The following MDFIC variants were observed in gnomAD, a reference collection of about 807,000 sequenced individuals.
The protein encoded by MDFIC is myoD family inhibitor domain-containing protein.
MDFIC carries 17 observed loss-of-function variants against 23.2 expected under a neutral mutation model. The observed-to-expected ratio is 0.73, with a 90% CI of 0.50 to 1.10. MDFIC has a LOEUF of 1.10. Among genes scored for constraint, MDFIC ranks in the 50% least tolerant of loss-of-function variants. MDFIC has a pLI of 0.00. For missense variants in MDFIC, 356 were observed against 316.6 expected (o/e 1.12, Z -0.95); for synonymous variants, 120 against 115.2 (o/e 1.04, Z -0.27).
chr7:114,962,776 G>T (rs960299431), intron 3 of MDFIC, among the ~76,000 whole-genome samples: 1 of 152,212 alleles, frequency 6.6e-6, no homozygotes, highest in African/African-American at 2.4e-5. Flanking sequence ...ATACAAATCA[G>T]AGTGATAGTG....
intron 4 of MDFIC, among the ~76,000 whole-genome samples, chr7:114,993,145 G>C (rs1397050502): frequency 6.6e-6 from 1 of 152,164 alleles, no homozygotes; most frequent in African/African-American, 2.4e-5. Context: ...GTGTAGAGGT[G>C]TTTATAGTAT....
chr7:114,959,824 C>CTAATAATAA (rs56917725), intron 3 of MDFIC, among the ~76,000 whole-genome samples: 15,536 of 145,396 alleles, frequency 0.11, 893 homozygotes, highest in East Asian at 0.18. Flanking sequence ...TCTAAATAGA[C>CTAATAATAA]TAATAATAAT....
At chr7:114,989,840 T>C (rs1303335776) in intron 4 of MDFIC, among the ~76,000 whole-genome samples, 1 of 152,158 alleles carries the variant, frequency 6.6e-6, no homozygotes, top group Non-Finnish European at 1.5e-5. Flanking sequence ...TTTATTGAGT[T>C]TGAATGGAGG....
chr7:114,984,397 C>T (rs898893659), intron 4 of MDFIC, among the ~76,000 whole-genome samples: 3 of 151,938 alleles, frequency 2.0e-5, no homozygotes, highest in African/African-American at 7.3e-5. Context: ...TGATACAATG[C>T]TCTATTCCAA....
intron 4 of MDFIC, among the ~76,000 whole-genome samples, chr7:115,010,083 G>T (rs1038999314): frequency 1.3e-5 from 2 of 150,354 alleles, no homozygotes; most frequent in Admixed American, 1.3e-4. Flanking sequence ...AGGGGAAAAA[G>T]ATGATTCCTG....
At chr7:114,964,614 G>A (rs1165225826) in intron 3 of MDFIC, among the ~76,000 whole-genome samples, 1 of 151,364 alleles carries the variant, frequency 6.6e-6, no homozygotes, top group Non-Finnish European at 1.5e-5. Context: ...GCCATGGCAC[G>A]ATCTTGGCTC....
chr7:114,965,948 G>A (rs1297266904), intron 3 of MDFIC, among the ~76,000 whole-genome samples: 1 of 152,164 alleles, frequency 6.6e-6, no homozygotes, highest in East Asian at 1.9e-4. Flanking sequence ...ATAACACACC[G>A]CCATGTAGTG....
chr7:114,974,172 A>G (rs571426662), intron 3 of MDFIC, among the ~76,000 whole-genome samples: 1 of 152,232 alleles, frequency 6.6e-6, no homozygotes, highest in African/African-American at 2.4e-5. Context: ...ATTTTAGCCT[A>G]AATTCACATT....
intron 2 of MDFIC, among the ~76,000 whole-genome samples, chr7:114,937,365 G>GAGCAATTAATTC (rs1792446262): frequency 6.6e-6 from 1 of 152,108 alleles, no homozygotes; most frequent in East Asian, 1.9e-4. Context: ...ATTCATGTTT[G>GAGCAATTAATTC]TCACTTTCTT....
rs753051299 is a variant in MDFIC, at chr7:114,979,769, T to C, written c.481T>C (p.Ser161Pro). ...TGCTGTCTTTTCCCAAAAGACAGGC[T>C]CTTCACCTGAAGGTAAGTTTGAGAT... ...VNAVFSQKTGSSPEDCCVHCI... is the reference protein window; with the variant it reads ...VNAVFSQKTGPSPEDCCVHCI... The change falls in exon 4 of 5, where the codon TCT becomes CCT. Residue 161 changes from serine (S) to proline (P), a missense_variant. By Grantham distance (74) the Ser-to-Pro change is moderately conservative. Transcript: ENST00000393486. 1 of 1,613,374 alleles carries C rather than the reference T, an allele frequency of 6.2e-7. No homozygotes were observed. Among genetic ancestry groups the C allele is most frequent in the African/African-American group, 1.3e-5 (1 of 74,866 alleles).
intron 2 of MDFIC, among the ~76,000 whole-genome samples, chr7:114,928,885 A>G (rs1792249530): frequency 6.6e-6 from 1 of 152,164 alleles, no homozygotes; most frequent in Non-Finnish European, 1.5e-5. Context: ...GAGGAAATTG[A>G]TTTAAAAACA....
chr7:114,980,806 T>C (rs1793404971), intron 4 of MDFIC, among the ~76,000 whole-genome samples: 1 of 152,212 alleles, frequency 6.6e-6, no homozygotes, highest in Non-Finnish European at 1.5e-5. Flanking sequence ...TGCTTATTCA[T>C]AGAGACAAAT....
intron 3 of MDFIC, among the ~76,000 whole-genome samples, chr7:114,958,611 C>T (rs984149281): frequency 3.3e-5 from 5 of 151,978 alleles, no homozygotes; most frequent in African/African-American, 7.2e-5. Flanking sequence ...ATTAGCCGGG[C>T]GTGGTGGTGC....
Position 114,940,633 on chromosome 7 carries a change from C to A in MDFIC, c.95-1642C>A, listed in dbSNP as rs1355743401. On this transcript the variant is annotated intron_variant, in intron 2 of 4. Coordinates refer to ENST00000393486, the MANE Select transcript of MDFIC (RefSeq NM_001166345.3). ...GAAAGATGACTATTTCTAGCTATAA[C>A]CTTTTTTCTGACTTGCAAATTCAAA... Among the ~76,000 whole-genome samples, 3 of 152,148 alleles carry A rather than the reference C, an allele frequency of 2.0e-5. No homozygotes were observed. The East Asian group carries it at 5.8e-4, about 29-fold the overall frequency.
intron 4 of MDFIC, among the ~76,000 whole-genome samples, chr7:114,983,837 G>A (rs1009315406): frequency 3.3e-5 from 5 of 151,862 alleles, no homozygotes; most frequent in Non-Finnish European, 5.9e-5. Context: ...TCCCCATCAG[G>A]TACTTTTTAA....
chr7:114,931,735 C>A (rs750764823), intron 2 of MDFIC, among the ~76,000 whole-genome samples: 1 of 152,050 alleles, frequency 6.6e-6, no homozygotes, highest in Admixed American at 6.6e-5. Flanking sequence ...TTCAGGATGG[C>A]GAGAAGGAAT....
intron 4 of MDFIC, among the ~76,000 whole-genome samples, chr7:115,010,718 A>G (rs1791666374): frequency 6.6e-6 from 1 of 152,222 alleles, no homozygotes; most frequent in Non-Finnish European, 1.5e-5. Context: ...TAATATTTAC[A>G]TAAATAGCTA....
intron 4 of MDFIC, among the ~76,000 whole-genome samples, chr7:114,983,341 AT>A (rs1793450617): frequency 2.0e-5 from 3 of 152,172 alleles, no homozygotes; most frequent in South Asian, 2.1e-4. Context: ...AGATAATGGA[AT>A]AAAATATTTA....
At chr7:114,942,984 G>C (rs116382384) in intron 3 of MDFIC, among the ~76,000 whole-genome samples, 12 of 152,230 alleles carry the variant, frequency 7.9e-5, no homozygotes, top group Non-Finnish European at 1.6e-4. Context: ...TGGAGTTTAC[G>C]TTCTGGTCAC....
Sources: gnomAD v4.1 joint callset for allele counts (sites outside exome capture counted in the v4.1 genomes callset) on GRCh38, gnomAD v4.1.1 for gene constraint, MANE v1.5 for transcripts, NCBI Gene and HGNC (gene_info 2026-07-23, HGNC 2026-07-21) for gene names.